Variants in RARB observed in about 807,000 individuals in gnomAD.
RARB encodes the protein retinoic acid receptor beta.
RARB carries 17 observed loss-of-function variants against 51.9 expected under a neutral mutation model. The ratio of observed to expected loss-of-function variants is 0.33; its 90% CI spans 0.22 to 0.49. The LOEUF (loss-of-function observed/expected upper bound fraction) is 0.49, where lower values mean the gene tolerates loss of function less well. Ranked by LOEUF, RARB falls within the 20% of genes least tolerant of loss-of-function variation. The pLI is 0.99. For synonymous variants in RARB, 215 were observed against 195.4 expected (o/e 1.10, Z -0.84); for missense variants, 369 against 550.8 (o/e 0.67, Z 3.30).
chr3:25,520,086 T>G (rs556433200), intron 3 of RARB, among the ~76,000 whole-genome samples: 1 of 152,368 alleles, frequency 6.6e-6, no homozygotes, highest in Admixed American at 6.5e-5. Flanking sequence ...TATTGTCTGC[T>G]GCTGCCTCCT....
chr3:25,150,623 A>G (rs1700270917), intron 4 of RARB, among the ~76,000 whole-genome samples: 1 of 152,222 alleles, frequency 6.6e-6, no homozygotes, highest in Admixed American at 6.5e-5. Flanking sequence ...ATGTATACAT[A>G]GAGTACAATC....
chr3:24,902,734 G>GA (rs977918017), intron 2 of RARB, among the ~76,000 whole-genome samples: 4 of 151,570 alleles, frequency 2.6e-5, no homozygotes, highest in Non-Finnish European at 5.9e-5. Context: ...TTTTGAAATG[G>GA]AAAAAAAATG....
chr3:25,079,081 A>T (rs1698936440), intron 3 of RARB, among the ~76,000 whole-genome samples: 1 of 151,814 alleles, frequency 6.6e-6, no homozygotes, highest in South Asian at 2.1e-4. Flanking sequence ...AATATTTTAC[A>T]GTTTTCAGTG....
chr3:25,416,731 C>A (rs1027717493), intron 5 of RARB, among the ~76,000 whole-genome samples: 52 of 152,152 alleles, frequency 3.4e-4, no homozygotes, highest in African/African-American at 1.2e-3. Flanking sequence ...CTGGATTTGG[C>A]CTTTGGAGTC....
intron 2 of RARB, among the ~76,000 whole-genome samples, chr3:24,960,780 T>C (rs1696122076): frequency 1.3e-5 from 2 of 151,940 alleles, no homozygotes; most frequent in South Asian, 4.2e-4. Flanking sequence ...TTTTTAACTT[T>C]GGTGTGTCGC....
chr3:25,232,911 G>T (rs1489055981), intron 5 of RARB, among the ~76,000 whole-genome samples: 3 of 151,902 alleles, frequency 2.0e-5, no homozygotes, highest in African/African-American at 7.3e-5. Flanking sequence ...CACATTTAAG[G>T]CAGGCTAGAC....
intron 5 of RARB, among the ~76,000 whole-genome samples, chr3:25,396,309 G>C (rs1196822263): frequency 6.6e-6 from 1 of 152,226 alleles, no homozygotes; most frequent in African/African-American, 2.4e-5. Context: ...TTGTAGTTCT[G>C]TTTAGTGTGC....
At chr3:25,340,616 C>G (rs2125450515) in intron 5 of RARB, among the ~76,000 whole-genome samples, 1 of 152,160 alleles carries the variant, frequency 6.6e-6, no homozygotes, top group East Asian at 1.9e-4. Flanking sequence ...TTTAAAGTAT[C>G]TGGCTCTACA....
chr3:25,025,259 A>G (rs1697723393), intron 2 of RARB: 1 of 152,222 alleles, frequency 6.6e-6, no homozygotes, highest in African/African-American at 2.4e-5. Context: ...AATGTCATTC[A>G]GGTGATAGCA....
At chr3:25,495,203 T>C (rs967414373) in intron 2 of RARB, among the ~76,000 whole-genome samples, 1 of 152,088 alleles carries the variant, frequency 6.6e-6, no homozygotes, top group Non-Finnish European at 1.5e-5. Flanking sequence ...ACGGGGTTCA[T>C]GTGTGAAGAA....
intron 5 of RARB, among the ~76,000 whole-genome samples, chr3:25,203,990 G>T (rs543525999): frequency 6.6e-6 from 1 of 152,060 alleles, no homozygotes; most frequent in Non-Finnish European, 1.5e-5. Context: ...TGCTAGGTTG[G>T]GGAAGTTCTC....
At chr3:25,346,789 A>G (rs1353794487) in intron 5 of RARB, among the ~76,000 whole-genome samples, 1 of 152,214 alleles carries the variant, frequency 6.6e-6, no homozygotes, top group Non-Finnish European at 1.5e-5. Flanking sequence ...TCAAGTTTTG[A>G]AAGCAGCTAC....
At chr3:25,115,760 C>T (rs1006159689) in intron 3 of RARB, among the ~76,000 whole-genome samples, 1 of 151,838 alleles carries the variant, frequency 6.6e-6, no homozygotes, top group Non-Finnish European at 1.5e-5. Context: ...CTCCTGGGCT[C>T]AAACTACAGC....
chr3:24,904,512 A>G (rs1331825004), intron 2 of RARB, among the ~76,000 whole-genome samples: 2 of 152,230 alleles, frequency 1.3e-5, no homozygotes, highest in African/African-American at 4.8e-5. Context: ...TCAGGAAACA[A>G]TGGATGCTGG....
rs1401259275 is a variant in RARB, at chr3:25,343,846, G to C, written c.179-117347G>C. Among the ~76,000 whole-genome samples the C allele has an allele frequency of 2.6e-5, 4 of 152,144 alleles. No individual in the cohort carries two copies. The South Asian group carries it at 8.3e-4, about 32-fold the overall frequency. On this transcript the variant is annotated intron_variant, in intron 5 of 11. Transcript: ENST00000383772. ...GCTGCTGTTTTCGATCGTAAGTCTT[G>C]TCATGAGGAAAATACAAGGGCCTTG...
chr3:25,580,555 G>A lies in RARB; in HGVS notation c.619G>A (p.Ala207Thr). The A allele has an allele frequency of 6.3e-7, 1 of 1,593,634 alleles. No individual in the cohort carries two copies. The highest frequency in any genetic ancestry group is 8.6e-7 in the Non-Finnish European group (1 of 1,163,970). ...TTTCTCTCTCTCCTAGAATTCCAGTGCTGACCATCGAGTCCGACTGGACCT... is the reference window on the plus strand; with the variant it reads ...TTTCTCTCTCTCCTAGAATTCCAGTACTGACCATCGAGTCCGACTGGACCT... ...QLGKYTTNSS[A>T]DHRVRLDLGL... Residue 207 changes from alanine (A) to threonine (T), a missense_variant, in exon 5 of 8, where the codon GCT becomes ACT. Ala to Thr is a moderately conservative substitution (Grantham distance 58). Transcript: ENST00000330688.
intron 5 of RARB, among the ~76,000 whole-genome samples, chr3:25,262,760 A>G (rs1263802398): frequency 1.3e-5 from 2 of 152,150 alleles, no homozygotes; most frequent in Admixed American, 6.6e-5. Context: ...CTTAATTCCT[A>G]TATCCTATAA....
chr3:25,558,532 T>A (rs917099553), intron 3 of RARB, among the ~76,000 whole-genome samples: 1 of 29,042 alleles, frequency 3.4e-5, no homozygotes. Context: ...CCTGGCCCTT[T>A]TTTTTTTTTT....
Position 25,293,179 on chromosome 3 carries a change from C to T in RARB, c.178+118604C>T, listed in dbSNP as rs112626177. On this transcript the variant is annotated intron_variant, in intron 5 of 11. Coordinates refer to the RARB transcript ENST00000383772. ...CCTGTATCTGTATTCTGATACGTTA[C>T]GGAGAAGCAGTACAGTACTGTAGTT... Among the ~76,000 whole-genome samples, 239 of 152,138 alleles carry T rather than the reference C, an allele frequency of 1.6e-3. 1 individual carries two copies. Among genetic ancestry groups the T allele is most frequent in the African/African-American group, 5.5e-3 (228 of 41,510 alleles).
Sources: gnomAD v4.1 joint callset for allele counts (sites outside exome capture counted in the v4.1 genomes callset) on GRCh38, gnomAD v4.1.1 for gene constraint, MANE v1.5 for transcripts, NCBI Gene and HGNC (gene_info 2026-07-23, HGNC 2026-07-21) for gene names.